The following EGLN2 variants were observed in gnomAD, a reference collection of about 807,000 sequenced individuals.
EGLN2 encodes egl-9 family hypoxia inducible factor 2.
A neutral mutation model predicts 38.2 loss-of-function variants in EGLN2; 15 were observed. That is an observed-to-expected ratio of 0.39 (90% CI 0.26 to 0.60). The LOEUF is 0.60. Among genes scored for constraint, EGLN2 ranks in the 20% least tolerant of loss-of-function variants. EGLN2 has a pLI of 0.50. For missense variants in EGLN2, 492 were observed against 570.4 expected (o/e 0.86, Z 1.40); for synonymous variants, 284 against 237.4 (o/e 1.20, Z -1.81).
Position 40,800,886 on chromosome 19 carries a change from A to G in EGLN2, c.314A>G (p.Gln105Arg). 1 of 1,610,750 alleles carries G rather than the reference A, an allele frequency of 6.2e-7. No homozygotes were observed. The highest frequency in any genetic ancestry group is 8.5e-7 in the Non-Finnish European group (1 of 1,178,934). Reference protein sequence around the residue: ...GAAALVTKGCQRLAAQGARPE... With the variant: ...GAAALVTKGCRRLAAQGARPE... ...GCAGCGCTGGTCACCAAGGGGTGCC[A>G]GCGATTGGCAGCCCAGGGCGCACGG... Residue 105 changes from glutamine to arginine, a missense_variant, in exon 2 of 6, where the codon CAG becomes CGG. By Grantham distance (43) the Gln-to-Arg change is conservative (BLOSUM62 1). This residue lies in a region of EGLN2 where 378 missense variants were observed against 386.2 expected (regional missense o/e 0.98). Transcript: ENST00000303961.
At chr19:40,802,331 C>G (rs942528750) in intron 2 of EGLN2, among the ~76,000 whole-genome samples, 2 of 152,126 alleles carry the variant, frequency 1.3e-5, no homozygotes, top group Non-Finnish European at 2.9e-5. Context: ...GGGTGGCTGC[C>G]TGTTGGCCCA....
At chr19:40,806,910 C>G in intron 3 of EGLN2, 1 of 910,152 alleles carries the variant, frequency 1.1e-6, no homozygotes, top group Non-Finnish European at 1.6e-6. Context: ...GTCTGCCCAG[C>G]CCCACCCGGC....
At chr19:40,800,176 A>G in intron 1 of EGLN2, 163 bp from the exon 2 acceptor site, 1 of 199,254 alleles carries the variant, frequency 5.0e-6, no homozygotes. Flanking sequence ...GCACCTCCAG[A>G]TTCTCAGGGT....
At chr19:40,802,571 CAA>C (rs1189817996) in intron 2 of EGLN2, among the ~76,000 whole-genome samples, 2 of 152,266 alleles carry the variant, frequency 1.3e-5, no homozygotes, top group Non-Finnish European at 2.9e-5. Context: ...TCTCTTAAGA[CAA>C]ATGCTCATTT....
chr19:40,799,664 C>T (rs537152295), intron 1 of EGLN2: 2 of 152,252 alleles, frequency 1.3e-5, no homozygotes, highest in Admixed American at 6.5e-5. Context: ...TCCGTCCTTT[C>T]CTCTGTCGCC....
Position 40,800,992 on chromosome 19 carries a change from G to A in EGLN2, c.420G>A (p.Glu140=). The A allele has an allele frequency of 6.2e-7, 1 of 1,612,902 alleles. No homozygotes were observed. The highest frequency in any genetic ancestry group is 8.5e-7 in the Non-Finnish European group (1 of 1,179,702). ...GCAAACGGCCCTGGGCCAGGCAAGA[G>A]AACCAGGAGGCAGAGCGGGAGGGTG... ...SPSKRPWARQ[E]NQEAEREGGM... The change falls in exon 2 of 6, where the codon GAG becomes GAA. Residue 140 remains glutamate, a synonymous_variant. Transcript: ENST00000303961.
Position 40,800,891 on chromosome 19 carries a change from T to A in EGLN2, c.319T>A (p.Leu107Met). 1 of 1,610,898 alleles carries A rather than the reference T, an allele frequency of 6.2e-7. No individual in the cohort carries two copies. The highest frequency in any genetic ancestry group is 8.5e-7 in the Non-Finnish European group (1 of 1,178,982). ...AALVTKGCQR[L>M]AAQGARPEAP... Reference sequence around the variant, plus strand: ...GCTGGTCACCAAGGGGTGCCAGCGATTGGCAGCCCAGGGCGCACGGCCTGA... The same window carrying A: ...GCTGGTCACCAAGGGGTGCCAGCGAATGGCAGCCCAGGGCGCACGGCCTGA... The change falls in exon 2 of 6, where the codon TTG (leucine) becomes ATG (methionine). Residue 107 changes from leucine to methionine, a missense_variant. By Grantham distance (15) the Leu-to-Met change is conservative. Coordinates refer to ENST00000303961, the MANE Select transcript of EGLN2 (RefSeq NM_080732.4).
At position 40,801,035 on chromosome 19, in the gene EGLN2, A is replaced by T. The variant is rs1167258961; in HGVS notation, c.463A>T (p.Ser155Cys). Residue 155 changes from serine to cysteine, a missense_variant, in exon 2 of 6, where the codon AGC becomes TGC. This residue lies in a region of EGLN2 where 378 missense variants were observed against 386.2 expected (regional missense o/e 0.98). Transcript: ENST00000303961. ...EREGGMSCSC[S>C]SGSGEASAGL... The stretch of plus-strand genomic sequence containing the variant: ...GGAGGGTGGCATGAGCTGCAGCTGC[A>T]GCAGTGGCAGTGGTGAGGCCAGTGC... 1.9e-6 allele frequency: 3 copies of T among 1,613,014 alleles called. No homozygotes were observed. The African/African-American group carries it at 4.0e-5, about 22-fold the overall frequency.
chr19:40,807,763 T>C (rs376964412), intron 5 of EGLN2, 46 bp from the exon 6 acceptor site: 7 of 1,606,194 alleles, frequency 4.4e-6, no homozygotes, highest in Admixed American at 1.7e-5. Context: ...CTTGGCTTCT[T>C]TGTCCTTCTG....
Position 40,808,215 on chromosome 19 carries a change from T to G in EGLN2, c.*351T>G. 1 of 457,966 alleles carries G rather than the reference T, an allele frequency of 2.2e-6. No homozygotes were observed. The highest frequency in any genetic ancestry group is 3.9e-6 in the Non-Finnish European group (1 of 259,204). The allele number at this position is 457,966 out of a possible 1,614,324, so 28.4% of individuals were successfully genotyped here. ...CAGGATGCAGGACTTGGGGTTGAGGTGAGTCATGGCCTCTTGCTGGCAATG... is the reference window on the plus strand; with the variant it reads ...CAGGATGCAGGACTTGGGGTTGAGGGGAGTCATGGCCTCTTGCTGGCAATG... On this transcript the variant is annotated 3_prime_UTR_variant, in exon 6 of 6. Coordinates refer to ENST00000303961, the MANE Select transcript of EGLN2 (RefSeq NM_080732.4).
At position 40,807,831 on chromosome 19, in the gene EGLN2, A is replaced by C. The variant is rs867216902; in HGVS notation, c.1191A>C (p.Gln397His). The C allele has an allele frequency of 3.1e-6, 5 of 1,614,144 alleles. No homozygotes were observed. The African/African-American group carries it at 4.0e-5, about 13-fold the overall frequency. Residue 397 changes from glutamine to histidine, a missense_variant, in exon 6 of 6, where the codon CAA (glutamine) becomes CAC (histidine). By Grantham distance (24) the Gln-to-His change is conservative (BLOSUM62 0). Transcript: ENST00000303961. ...CAGCATCAGGACAGAAAGGTGTCCA[A>C]GTACCTGTATCACAGCCGCCTACGC... Reference protein sequence around the residue: ...YQLASGQKGVQVPVSQPPTPT With the variant: ...YQLASGQKGVHVPVSQPPTPT
intron 2 of EGLN2, among the ~76,000 whole-genome samples, chr19:40,803,550 G>C (rs532037103): frequency 6.0e-4 from 92 of 152,296 alleles, no homozygotes; most frequent in Admixed American, 5.2e-4. Flanking sequence ...GCTCAGGTGG[G>C]CTGCAGCAGT....
chr19:40,802,512 TA>T (rs1223202767), intron 2 of EGLN2, among the ~76,000 whole-genome samples: 6 of 152,224 alleles, frequency 3.9e-5, no homozygotes, highest in African/African-American at 1.2e-4. Flanking sequence ...TTCTTAATGG[TA>T]TTTTGGAGCC....
At chr19:40,806,804 G>A (rs1389205563) in intron 3 of EGLN2, 130 bp downstream of exon 3, 8 of 1,296,436 alleles carry the variant, frequency 6.2e-6, no homozygotes, top group South Asian at 5.6e-5. Flanking sequence ...AACACACAGC[G>A]GGCAGTGCGA....
Position 40,807,960 on chromosome 19 carries a change from T to G in EGLN2, c.*96T>G. Reference sequence around the variant, plus strand: ...CTCCTTCCCTGCCACCGCTGCTGCTTCTGACTTTGCCTCTGTCCTGCCTGG... The same window carrying G: ...CTCCTTCCCTGCCACCGCTGCTGCTGCTGACTTTGCCTCTGTCCTGCCTGG... On this transcript the variant is annotated 3_prime_UTR_variant, in exon 6 of 6. Transcript: ENST00000303961. 3.2e-6 allele frequency: 4 copies of G among 1,265,374 alleles called. No individual in the cohort carries two copies. Among genetic ancestry groups the G allele is most frequent in the Non-Finnish European group, 4.5e-6 (4 of 886,116 alleles). The allele number at this position is 1,265,374 out of a possible 1,614,324, so 78.4% of individuals were successfully genotyped here.
chr19:40,807,395 C>T (rs898632652), intron 4 of EGLN2, 89 bp from the exon 5 acceptor site: 147 of 1,603,088 alleles, frequency 9.2e-5, no homozygotes, highest in South Asian at 1.8e-4. Context: ...GGAGCAGAAC[C>T]GGGTGGCTCA....
At chr19:40,800,150 C>T (rs1455326281) in intron 1 of EGLN2, 189 bp from the exon 2 acceptor site, 2 of 194,460 alleles carry the variant, frequency 1.0e-5, no homozygotes, top group African/African-American at 2.3e-5. Flanking sequence ...TGCCTCTTAT[C>T]TGTCAGCGGA....
intron 1 of EGLN2, chr19:40,799,914 A>G (rs1249474267): frequency 1.8e-4 from 7 of 39,298 alleles, no homozygotes; most frequent in Non-Finnish European, 1.1e-4. Context: ...CCCCGCCCCC[A>G]CCCTGACTCT....
At chr19:40,806,318 ATG>A in intron 2 of EGLN2, 1 of 630,990 alleles carries the variant, frequency 1.6e-6, no homozygotes, top group Non-Finnish European at 2.6e-6. Context: ...GGCCCCAGGT[ATG>A]TGTGTTGGGA....
Sources: allele counts gnomAD v4.1 joint callset (sites outside exome capture counted in the v4.1 genomes callset), GRCh38; gene constraint gnomAD v4.1.1; regional missense constraint gnomAD v4.1.1; transcripts MANE v1.5; gene names NCBI Gene and HGNC (gene_info 2026-07-23, HGNC 2026-07-21).